Variants in ANO10 observed in about 807,000 individuals in gnomAD.
The protein encoded by ANO10 is anoctamin-10.
In ANO10, 77 loss-of-function variants were observed where a neutral mutation model predicts 74.7. That is an observed-to-expected ratio of 1.03 (90% confidence interval 0.86 to 1.25). The LOEUF is 1.25. Ranked by LOEUF, ANO10 falls within the 50% of genes most tolerant of loss-of-function variation. ANO10 has a pLI of 0.00. For synonymous variants in ANO10, 279 were observed against 284.9 expected (o/e 0.98, Z 0.21); for missense variants, 721 against 778.1 (o/e 0.93, Z 0.87).
At chr3:43,542,344 GAGA>G (rs1449540748) in intron 11 of ANO10, among the ~76,000 whole-genome samples, 2 of 152,132 alleles carry the variant, frequency 1.3e-5, no homozygotes, top group Non-Finnish European at 2.9e-5. Flanking sequence ...GATCAGCAGA[GAGA>G]AGAAAACAGC....
chr3:43,458,000 A>T (rs1481251857), intron 11 of ANO10, among the ~76,000 whole-genome samples: 2 of 151,954 alleles, frequency 1.3e-5, no homozygotes, highest in African/African-American at 4.8e-5. Context: ...ATAATCACTT[A>T]AGTTTCTTTG....
chr3:43,658,963 C>T (rs891595255), intron 1 of ANO10, among the ~76,000 whole-genome samples: 2 of 151,976 alleles, frequency 1.3e-5, no homozygotes, highest in Non-Finnish European at 2.9e-5. Flanking sequence ...TATTATAAAG[C>T]ATTAAGTTGA....
At chr3:43,440,496 A>G (rs184588095) in intron 11 of ANO10, among the ~76,000 whole-genome samples, 2 of 152,266 alleles carry the variant, frequency 1.3e-5, no homozygotes, top group East Asian at 3.9e-4. Context: ...CAAATTATAT[A>G]GAAAGATATA....
chr3:43,662,657 T>C (rs1427072168), intron 1 of ANO10, among the ~76,000 whole-genome samples: 2 of 150,500 alleles, frequency 1.3e-5, no homozygotes, highest in Non-Finnish European at 3.0e-5. Flanking sequence ...CCAAGACTAG[T>C]GAAGAAAAGA....
chr3:43,433,233 C>T (rs141702158), intron 11 of ANO10, among the ~76,000 whole-genome samples: 11 of 152,100 alleles, frequency 7.2e-5, no homozygotes, highest in African/African-American at 1.7e-4. Flanking sequence ...AGGTGTTGAG[C>T]GACCACACCC....
chr3:43,564,191 C>T (rs58731196), intron 8 of ANO10, among the ~76,000 whole-genome samples: 8,994 of 152,014 alleles, frequency 0.059, 373 homozygotes, highest in Admixed American at 0.11. Context: ...TGCTACCACA[C>T]CCAGGTAACT....
intron 1 of ANO10, among the ~76,000 whole-genome samples, chr3:43,677,433 G>T (rs898951838): frequency 3.3e-5 from 5 of 152,210 alleles, no homozygotes; most frequent in Non-Finnish European, 7.3e-5. Context: ...TAATTTAGTA[G>T]ATGAAATAGT....
At chr3:43,369,138 G>C (rs1395136002) in intron 12 of ANO10, among the ~76,000 whole-genome samples, 4 of 152,264 alleles carry the variant, frequency 2.6e-5, no homozygotes, top group Non-Finnish European at 5.9e-5. Context: ...TGCTTCTGGG[G>C]TGCCCCCCAC....
chr3:43,477,917 A>T (rs1360856987), intron 11 of ANO10, among the ~76,000 whole-genome samples: 2 of 152,162 alleles, frequency 1.3e-5, no homozygotes, highest in Non-Finnish European at 2.9e-5. Flanking sequence ...ACACATAGGG[A>T]GTGAGGGAGG....
At chr3:43,417,655 G>A (rs1174557760) in intron 12 of ANO10, among the ~76,000 whole-genome samples, 2 of 152,094 alleles carry the variant, frequency 1.3e-5, no homozygotes, top group Non-Finnish European at 2.9e-5. Flanking sequence ...CCCACACAAT[G>A]TAGCTGCTTC....
chr3:43,592,265 G>A lies in ANO10; in HGVS notation c.472+6267C>T, dbSNP rs560340188. On this transcript the variant is annotated intron_variant, in intron 4 of 12. Transcript: ENST00000292246. Reference sequence around the variant, plus strand: ...AAGAGAGTAGTGGTTCTCCCAGCACGCAGCTGGAGATCTGAGAACGGACAG... The same window carrying A: ...AAGAGAGTAGTGGTTCTCCCAGCACACAGCTGGAGATCTGAGAACGGACAG... Among the ~76,000 whole-genome samples the A allele has an allele frequency of 3.0e-3, 457 of 152,196 alleles. 1 individual carries two copies. Among genetic ancestry groups the A allele is most frequent in the Non-Finnish European group, 5.3e-3 (363 of 67,970 alleles).
At chr3:43,682,807 T>G (rs1157404019) in intron 1 of ANO10, among the ~76,000 whole-genome samples, 3 of 152,138 alleles carry the variant, frequency 2.0e-5, no homozygotes, top group African/African-American at 7.2e-5. Flanking sequence ...ATCCAGCATA[T>G]AAACAGAACC....
chr3:43,565,971 G>T (rs1352746639), intron 7 of ANO10, among the ~76,000 whole-genome samples: 1 of 152,102 alleles, frequency 6.6e-6, no homozygotes. Context: ...CAGGTCAGTG[G>T]GTGCGCGCAC....
At chr3:43,403,708 T>C (rs904058933) in intron 12 of ANO10, among the ~76,000 whole-genome samples, 2 of 152,266 alleles carry the variant, frequency 1.3e-5, no homozygotes, top group South Asian at 4.1e-4. Context: ...AGCCACACTT[T>C]ATTTTAAATA....
chr3:43,433,901 G>T (rs938485151), intron 11 of ANO10, among the ~76,000 whole-genome samples: 1 of 152,130 alleles, frequency 6.6e-6, no homozygotes, highest in African/African-American at 2.4e-5. Flanking sequence ...TAATTAAAAG[G>T]CATTAAGAAA....
At chr3:43,587,805 A>G (rs2081548432) in intron 4 of ANO10, among the ~76,000 whole-genome samples, 1 of 152,214 alleles carries the variant, frequency 6.6e-6, no homozygotes, top group Admixed American at 6.5e-5. Context: ...TAATCAAGAA[A>G]AAAAAAGCAA....
intron 1 of ANO10, among the ~76,000 whole-genome samples, chr3:43,676,141 T>C (rs376614209): frequency 1.3e-5 from 2 of 152,156 alleles, no homozygotes; most frequent in African/African-American, 4.8e-5. Context: ...CAAATAATTA[T>C]GCTGGGAGAA....
chr3:43,499,246 A>G (rs1188776175), intron 11 of ANO10, among the ~76,000 whole-genome samples: 1 of 152,246 alleles, frequency 6.6e-6, no homozygotes, highest in Non-Finnish European at 1.5e-5. Flanking sequence ...AGACCCTATC[A>G]CAAAGAGTTT....
At chr3:43,539,646 T>C (rs955647764) in intron 11 of ANO10, among the ~76,000 whole-genome samples, 5 of 152,208 alleles carry the variant, frequency 3.3e-5, no homozygotes, top group Admixed American at 2.6e-4. Flanking sequence ...TCCTCAAAGA[T>C]GAATAACCCA....
Sources: gnomAD v4.1 joint callset for allele counts (sites outside exome capture counted in the v4.1 genomes callset) on GRCh38, gnomAD v4.1.1 for gene constraint, MANE v1.5 for transcripts, NCBI Gene and HGNC (gene_info 2026-07-23, HGNC 2026-07-21) for gene names.